LINGO2: variants seen among roughly 807,000 people sequenced by gnomAD.
LINGO2 encodes the protein leucine rich repeat and Ig domain containing 2, also known as leucine-rich repeat and immunoglobulin-like domain-containing nogo receptor-interacting protein 2.
A neutral mutation model predicts 30.6 loss-of-function variants in LINGO2; 14 were observed. The ratio of observed to expected loss-of-function variants is 0.46; its 90% CI spans 0.30 to 0.72. The LOEUF is 0.72. Ranked by LOEUF, LINGO2 falls within the 30% of genes least tolerant of loss-of-function variation. The probability of loss-of-function intolerance (pLI) is 0.07; values close to 1 mark genes in which losing one functional copy is unlikely to be tolerated. For missense variants in LINGO2, 729 were observed against 751.7 expected (o/e 0.97, Z 0.35); for synonymous variants, 317 against 288.5 (o/e 1.10, Z -1.00).
At chr9:29,184,328 T>C in the LINGO2 span, among the ~76,000 whole-genome samples, 1 of 152,136 alleles carries the variant, frequency 6.6e-6, no homozygotes. Flanking sequence ...AAACTTCATA[T>C]TGACTCTCAG....
At chr9:28,599,979 C>A (rs1825393584) in intron 1 of LINGO2, among the ~76,000 whole-genome samples, 1 of 152,082 alleles carries the variant, frequency 6.6e-6, no homozygotes, top group South Asian at 2.1e-4. Flanking sequence ...ACACTGTACT[C>A]ATTTATTTAC....
intron 1 of LINGO2, among the ~76,000 whole-genome samples, chr9:28,550,674 CTCTG>C (rs1432170811): frequency 6.6e-6 from 1 of 151,646 alleles, no homozygotes; most frequent in Non-Finnish European, 1.5e-5. Flanking sequence ...ATTAAAAACA[CTCTG>C]TGAAACAAAT....
chr9:28,925,567 C>T, the LINGO2 span, among the ~76,000 whole-genome samples: 1 of 152,314 alleles, frequency 6.6e-6, no homozygotes, highest in African/African-American at 2.4e-5. Context: ...GGAAGCTTTG[C>T]ATTTGGAACT....
the LINGO2 span, among the ~76,000 whole-genome samples, chr9:28,720,857 T>A: frequency 6.6e-6 from 1 of 152,000 alleles, no homozygotes; most frequent in Non-Finnish European, 1.5e-5. Context: ...ATAATCTGTC[T>A]TCATTTTATG....
At chr9:28,023,875 CAT>C (rs1415738228) in intron 4 of LINGO2, among the ~76,000 whole-genome samples, 1 of 152,132 alleles carries the variant, frequency 6.6e-6, no homozygotes, top group Non-Finnish European at 1.5e-5. Context: ...TTAGCTAGTC[CAT>C]ACTCAGCCTC....
the LINGO2 span, among the ~76,000 whole-genome samples, chr9:28,884,996 T>TTATA: frequency 3.0e-3 from 48 of 15,890 alleles, no homozygotes; most frequent in Middle Eastern, 0.071. Context: ...TAATAATATA[T>TTATA]TATATATATA....
chr9:28,980,373 C>T, the LINGO2 span, among the ~76,000 whole-genome samples: 1 of 152,022 alleles, frequency 6.6e-6, no homozygotes, highest in African/African-American at 2.4e-5. Context: ...ATAAGGACAT[C>T]AGTCTTTTGC....
chr9:29,043,596 A>C, the LINGO2 span, among the ~76,000 whole-genome samples: 294 of 152,096 alleles, frequency 1.9e-3, 1 homozygote, highest in African/African-American at 6.7e-3. Context: ...CATGCATTTC[A>C]TTATTACTAA....
At chr9:28,347,896 T>C (rs1819655149) in intron 3 of LINGO2, among the ~76,000 whole-genome samples, 1 of 152,212 alleles carries the variant, frequency 6.6e-6, no homozygotes, top group African/African-American at 2.4e-5. Context: ...AAGATGTTTC[T>C]ACTATGTTGT....
chr9:28,817,029 A>T, the LINGO2 span, among the ~76,000 whole-genome samples: 1 of 152,204 alleles, frequency 6.6e-6, no homozygotes, highest in African/African-American at 2.4e-5. Context: ...TAAAGTAAAT[A>T]AGGTAATCAT....
At chr9:28,225,105 A>G (rs1215189799) in intron 4 of LINGO2, among the ~76,000 whole-genome samples, 1 of 152,176 alleles carries the variant, frequency 6.6e-6, no homozygotes, top group African/African-American at 2.4e-5. Context: ...CACCATATAG[A>G]AAAGTCAAAT....
At chr9:28,998,866 G>T in the LINGO2 span, among the ~76,000 whole-genome samples, 3 of 151,688 alleles carry the variant, frequency 2.0e-5, no homozygotes, top group East Asian at 5.8e-4. Flanking sequence ...CAGGTCTAGG[G>T]ACAGTACATG....
rs1339294719 is a variant in LINGO2 at position 28,117,799 on chromosome 9, C to G, written c.-86-105394G>C. On this transcript the variant is annotated intron_variant, in intron 4 of 5. Transcript: ENST00000379992. ...GACGGTGCGCACACACACTGGCCTG[C>G]GCCCACTGTCTGGCACTCCCTAGTG... 5.3e-5 allele frequency among the ~76,000 whole-genome samples: 8 copies of G among 151,282 alleles called. No individual in the cohort carries two copies. The South Asian group carries it at 1.5e-3, about 28-fold the overall frequency.
chr9:28,146,637 T>C (rs544922941), intron 4 of LINGO2, among the ~76,000 whole-genome samples: 122 of 152,248 alleles, frequency 8.0e-4, no homozygotes, highest in Middle Eastern at 6.8e-3. Flanking sequence ...TAACAAGATG[T>C]AGAGTGCCCA....
At chr9:29,068,258 G>T in the LINGO2 span, among the ~76,000 whole-genome samples, 2 of 151,696 alleles carry the variant, frequency 1.3e-5, no homozygotes, top group Admixed American at 1.3e-4. Flanking sequence ...GAGGTACAGA[G>T]ATATATCAGT....
the LINGO2 span, among the ~76,000 whole-genome samples, chr9:28,738,962 A>C: frequency 3.3e-5 from 5 of 152,060 alleles, no homozygotes; most frequent in Admixed American, 2.0e-4. Flanking sequence ...ATACTTAAGG[A>C]CACTATTTCT....
chr9:29,039,650 C>T, the LINGO2 span, among the ~76,000 whole-genome samples: 6 of 152,242 alleles, frequency 3.9e-5, no homozygotes, highest in African/African-American at 7.2e-5. Flanking sequence ...ATGGCTACCC[C>T]GACCTTTCTA....
the LINGO2 span, among the ~76,000 whole-genome samples, chr9:29,080,409 A>AT: frequency 0.029 from 4,428 of 150,666 alleles, 209 homozygotes; most frequent in African/African-American, 0.1. Context: ...GGATTCATTG[A>AT]TTTTTTTTTA....
the LINGO2 span, among the ~76,000 whole-genome samples, chr9:28,735,374 T>C: frequency 6.6e-6 from 1 of 152,208 alleles, no homozygotes; most frequent in Admixed American, 6.5e-5. Context: ...TACCCTTAAT[T>C]ATCATACATC....
Sources: allele counts gnomAD v4.1 joint callset (sites outside exome capture counted in the v4.1 genomes callset), GRCh38; gene constraint gnomAD v4.1.1; transcripts MANE v1.5; gene names NCBI Gene and HGNC (gene_info 2026-07-23, HGNC 2026-07-21).